Variants in TENM3 observed in about 807,000 individuals in gnomAD.
TENM3 encodes the protein teneurin transmembrane protein 3, also known as teneurin-3.
Under a neutral mutation model 255.1 loss-of-function variants are expected in TENM3, and 63 were observed. That is an observed-to-expected ratio of 0.25 (90% CI 0.20 to 0.30). TENM3 has a LOEUF of 0.30. TENM3 is among the 10% of genes least tolerant of loss of function. TENM3 has a pLI of 1.00. For missense variants in TENM3, 2,929 were observed against 3,461.1 expected, an observed-to-expected ratio of 0.85 and a Z score of 3.86; for synonymous variants, 1,306 against 1,322.3, an observed-to-expected ratio of 0.99 and a Z score of 0.27.
the TENM3 span, among the ~76,000 whole-genome samples, chr4:181,857,578 AAAC>A: frequency 2.4e-5 from 1 of 42,240 alleles, no homozygotes; most frequent in African/African-American, 1.7e-4. Flanking sequence ...AAAAAAAACA[AAAC>A]AAAACAAAAA....
At chr4:182,211,368 T>C (rs1755031184) in intron 1 of TENM3, among the ~76,000 whole-genome samples, 1 of 152,244 alleles carries the variant, frequency 6.6e-6, no homozygotes. Flanking sequence ...TGAGTTTCTA[T>C]GATTAATTAT....
the TENM3 span, among the ~76,000 whole-genome samples, chr4:181,458,757 AT>A: frequency 6.6e-6 from 1 of 151,890 alleles, no homozygotes; most frequent in African/African-American, 2.4e-5. Context: ...ACTGAGTATT[AT>A]TTCATCAAAT....
rs577850293 is a variant in TENM3 at position 182,315,592 on chromosome 4, T to C, written c.-75-8354T>C. ...GTAGTTTTGTTCACATTTCTTGTGT[T>C]TGGGGCTTGTTGAGCTACTGGCATC... is the stretch of plus-strand genomic sequence containing the variant. On this transcript the variant is annotated intron_variant, in intron 1 of 27. Transcript: ENST00000511685. Among the ~76,000 whole-genome samples the C allele has an allele frequency of 2.6e-5, 4 of 152,284 alleles. 1 individual carries two copies. The East Asian group carries it at 7.7e-4, about 29-fold the overall frequency.
the TENM3 span, among the ~76,000 whole-genome samples, chr4:181,718,102 G>T: frequency 1.3e-5 from 2 of 152,190 alleles, no homozygotes; most frequent in South Asian, 4.1e-4. Flanking sequence ...AATCATAAAT[G>T]CTGGCAAAAT....
intron 4 of TENM3, among the ~76,000 whole-genome samples, chr4:182,606,642 C>CTCTCAGGCT (rs1272437794): frequency 6.6e-6 from 1 of 151,176 alleles, no homozygotes; most frequent in Non-Finnish European, 1.5e-5. Flanking sequence ...CAAAACCATT[C>CTCTCAGGCT]TCTCAGGCTG....
At chr4:182,301,164 A>G (rs1470250968) in intron 1 of TENM3, among the ~76,000 whole-genome samples, 1 of 152,200 alleles carries the variant, frequency 6.6e-6, no homozygotes, top group Non-Finnish European at 1.5e-5. Flanking sequence ...GACTTTCATA[A>G]AAATTCTTTA....
chr4:181,598,027 G>C, the TENM3 span, among the ~76,000 whole-genome samples: 9,183 of 152,150 alleles, frequency 0.06, 364 homozygotes, highest in South Asian at 0.13. Context: ...ATGATGTAGT[G>C]GGCACCACTA....
rs75647187 is a variant in TENM3, at chr4:182,163,034, C to G, written c.-76+18280C>G. Among the ~76,000 whole-genome samples, 737 of 152,306 alleles carry G rather than the reference C, an allele frequency of 4.8e-3. 5 individuals are homozygous for G. Among genetic ancestry groups the G allele is most frequent in the African/African-American group, 0.017 (717 of 41,564 alleles). ...TATCCCATTATCCTGTTTGTTCACA[C>G]ATGCTGGAAGCTTAAGAGCCATCTT... On this transcript the variant is annotated intron_variant, in intron 1 of 2. Transcript: ENST00000512480.
At chr4:181,852,637 TG>T in the TENM3 span, among the ~76,000 whole-genome samples, 1 of 152,242 alleles carries the variant, frequency 6.6e-6, no homozygotes. Context: ...AAATTATTTT[TG>T]CTCTTAAAAG....
chr4:181,571,144 C>T, the TENM3 span, among the ~76,000 whole-genome samples: 40 of 152,120 alleles, frequency 2.6e-4, no homozygotes, highest in African/African-American at 9.4e-4. Context: ...CAATTGTGTT[C>T]GCCACTGTGG....
intron 1 of TENM3, among the ~76,000 whole-genome samples, chr4:182,179,901 GT>G (rs1752737978): frequency 6.6e-6 from 1 of 152,044 alleles, no homozygotes; most frequent in Admixed American, 6.6e-5. Context: ...CCTCACCTTT[GT>G]CATTTTTTCA....
At chr4:181,513,333 T>G in the TENM3 span, among the ~76,000 whole-genome samples, 161 of 152,288 alleles carry the variant, frequency 1.1e-3, no homozygotes, top group African/African-American at 3.7e-3. Flanking sequence ...TTAAAAATAT[T>G]TTTACTTTTC....
intron 1 of TENM3, among the ~76,000 whole-genome samples, chr4:182,311,306 A>G (rs1220337700): frequency 6.6e-6 from 1 of 152,158 alleles, no homozygotes; most frequent in Non-Finnish European, 1.5e-5. Context: ...CAAAGCTGTG[A>G]TCTCTGCAAA....
intron 3 of TENM3, among the ~76,000 whole-genome samples, chr4:182,547,059 C>A (rs1266627456): frequency 6.6e-6 from 1 of 152,092 alleles, no homozygotes; most frequent in Admixed American, 6.5e-5. Context: ...ATGTACCTCA[C>A]GTGATTAATT....
Position 182,800,556 on chromosome 4 carries a change from T to C in TENM3, c.*205T>C. 1.7e-6 allele frequency: 1 copy of C among 574,832 alleles called. No individual in the cohort carries two copies. Among genetic ancestry groups the C allele is most frequent in the Non-Finnish European group, 3.0e-6 (1 of 336,982 alleles). The allele number at this position is 574,832 out of a possible 1,614,324, so 35.6% of individuals were successfully genotyped here. Reference sequence around the variant, plus strand: ...CGGCTTTAACGAATATGTTTACATATGCATAGCGCTGCACTCAGTCGGACT... The same window carrying C: ...CGGCTTTAACGAATATGTTTACATACGCATAGCGCTGCACTCAGTCGGACT... On this transcript the variant is annotated 3_prime_UTR_variant, in exon 28 of 28. Coordinates refer to ENST00000511685, the MANE Select transcript of TENM3 (RefSeq NM_001080477.4).
At chr4:181,944,352 G>A in the TENM3 span, among the ~76,000 whole-genome samples, 1 of 149,068 alleles carries the variant, frequency 6.7e-6, no homozygotes, top group Non-Finnish European at 1.5e-5. Flanking sequence ...AGCTCCAGAA[G>A]AGAGAATATT....
At chr4:182,336,392 A>G (rs1173578327) in intron 2 of TENM3, among the ~76,000 whole-genome samples, 1 of 152,224 alleles carries the variant, frequency 6.6e-6, no homozygotes, top group African/African-American at 2.4e-5. Flanking sequence ...TCAAAACTTT[A>G]CACAGAAGCT....
chr4:182,446,840 C>T (rs1349404985), intron 3 of TENM3, among the ~76,000 whole-genome samples: 1 of 152,300 alleles, frequency 6.6e-6, no homozygotes, highest in East Asian at 1.9e-4. Context: ...TCTTCATCCT[C>T]TGCCCTAGTT....
chr4:182,303,518 CT>C (rs1267133385), intron 1 of TENM3, among the ~76,000 whole-genome samples: 1 of 152,174 alleles, frequency 6.6e-6, no homozygotes. Flanking sequence ...TCCAATGCAA[CT>C]GTGTATACCT....
Sources: allele counts gnomAD v4.1 joint callset (sites outside exome capture counted in the v4.1 genomes callset), GRCh38; gene constraint gnomAD v4.1.1; transcripts MANE v1.5; gene names NCBI Gene and HGNC (gene_info 2026-07-23, HGNC 2026-07-21).